The following SULF2 variants were observed in gnomAD, a reference collection of about 807,000 sequenced individuals.
SULF2 encodes sulfatase 2.
In SULF2, 52 loss-of-function variants were observed where a neutral mutation model predicts 107.7. The ratio of observed to expected loss-of-function variants is 0.48; its 90% CI spans 0.39 to 0.61. The LOEUF is 0.61. Among genes scored for constraint, SULF2 ranks in the 20% least tolerant of loss-of-function variants. The pLI, the probability that SULF2 is intolerant of heterozygous loss-of-function variation, is 0.00. For synonymous variants in SULF2, 460 were observed against 464.3 expected (o/e 0.99, Z 0.12); for missense variants, 993 against 1,177.3 (o/e 0.84, Z 2.29).
At chr20:47,700,518 A>G (rs1182052540) in intron 4 of SULF2, among the ~76,000 whole-genome samples, 1 of 152,228 alleles carries the variant, frequency 6.6e-6, no homozygotes, top group African/African-American at 2.4e-5. Flanking sequence ...TGGTAAAACC[A>G]TAATGAAACA....
In SULF2 at chr20:47,672,297, C is replaced by G; in HGVS notation, c.1477G>C (p.Val493Leu). ...LGGSRALSNL[V>L]PKYYGQGSEA... ...CTGCCCTGCCCGTAGTACTTGGGCA[C>G]GAGGTTGGAGAGGGCTCTGCTGCCG... is the stretch of plus-strand genomic sequence containing the variant. Residue 493 changes from valine (V) to leucine (L), a missense_variant, in exon 11 of 21, where the codon GTG (valine) becomes CTG (leucine). Around this residue, in one of 3 missense-constraint regions of SULF2, gnomAD observed 497 missense variants for 544.1 expected, o/e 0.91. Coordinates refer to ENST00000688720, the MANE Select transcript of SULF2 (RefSeq NM_001387048.1). 1 of 1,613,462 alleles carries G rather than the reference C, an allele frequency of 6.2e-7. No individual in the cohort carries two copies. The highest frequency in any genetic ancestry group is 8.5e-7 in the Non-Finnish European group (1 of 1,179,990).
Position 47,733,859 on chromosome 20 carries a change from C to T in SULF2, c.415+2844G>A, listed in dbSNP as rs557204986. ...TCAAGATCAAATACCTTACTAAATA[C>T]ATTAAAAGCACTATTTATTATGAAA... On this transcript the variant is annotated intron_variant, in intron 3 of 20. Coordinates refer to ENST00000688720, the MANE Select transcript of SULF2 (RefSeq NM_001387048.1). 2.6e-5 allele frequency among the ~76,000 whole-genome samples: 4 copies of T among 152,322 alleles called. No homozygotes were observed. The South Asian group carries it at 6.2e-4, about 24-fold the overall frequency.
At chr20:47,705,468 G>C (rs982061090) in intron 3 of SULF2, among the ~76,000 whole-genome samples, 2 of 152,200 alleles carry the variant, frequency 1.3e-5, no homozygotes, top group Non-Finnish European at 2.9e-5. Context: ...AGTAACTGAT[G>C]GAGTGGAGGC....
At chr20:47,776,817 G>A (rs73317842) in intron 1 of SULF2, among the ~76,000 whole-genome samples, 4,252 of 152,278 alleles carry the variant, frequency 0.028, 209 homozygotes, top group African/African-American at 0.097. Flanking sequence ...GGGAGCAAGT[G>A]AGTGTGTATG....
rs779062223 is a variant in SULF2 at position 47,745,398 on chromosome 20, A to T, written c.176-8456T>A. Among the ~76,000 whole-genome samples, 74 of 29,384 alleles carry T rather than the reference A, an allele frequency of 2.5e-3. 4 individuals carry two copies. The highest frequency in any genetic ancestry group is 0.012 in the African/African-American group (69 of 5,998). The allele number at this position is 29,384 out of a possible 152,430, so 19.3% of individuals were successfully genotyped here. A position where few individuals can be genotyped will look rare whatever the true frequency, so the allele number is the denominator to read the frequency against. ...GTTTTGAGGGAAAAAAAAAAAAAAA[A>T]AAAAAAAAAAAAATATATATATATA... On this transcript the variant is annotated intron_variant, in intron 2 of 20. Transcript: ENST00000688720.
intron 5 of SULF2, 35 bp downstream of exon 5, chr20:47,690,091 G>A: frequency 7.2e-7 from 1 of 1,381,722 alleles, no homozygotes; most frequent in Non-Finnish European, 9.5e-7. Flanking sequence ...TTCATGCTAA[G>A]CAGTGCCTCT....
At chr20:47,752,921 C>T (rs1215691308) in intron 2 of SULF2, among the ~76,000 whole-genome samples, 3 of 151,744 alleles carry the variant, frequency 2.0e-5, no homozygotes, top group East Asian at 1.9e-4. Context: ...GCCAACATGG[C>T]GAAACCCTGA....
Position 47,663,568 on chromosome 20 carries a change from C to T in SULF2, c.2112G>A (p.Lys704=). The stretch of plus-strand genomic sequence containing the variant: ...GCTTGAGCAGCTTGCGGAGTTTCTT[C>T]TTGCGCTTCTGCTCCCGCAACAGCC... ...KVWLLREQKR[K]KKLRKLLKRL... Residue 704 remains lysine (K), a synonymous_variant, in exon 16 of 21, where the codon AAG becomes AAA. Coordinates refer to ENST00000688720, the MANE Select transcript of SULF2 (RefSeq NM_001387048.1). 6.2e-7 allele frequency: 1 copy of T among 1,611,276 alleles called. No homozygotes were observed. The highest frequency in any genetic ancestry group is 1.1e-5 in the South Asian group (1 of 90,968).
In SULF2 at chr20:47,695,904, C is replaced by T. The variant is rs142520038; in HGVS notation, c.568-5609G>A. On this transcript the variant is annotated intron_variant, in intron 4 of 20. Coordinates refer to ENST00000688720, the MANE Select transcript of SULF2 (RefSeq NM_001387048.1). Reference sequence around the variant, plus strand: ...CTGGGATTACAGGCATGAACCACTGCGCCTGGCCGGATTTCCTTTTTAAAG... The same window carrying T: ...CTGGGATTACAGGCATGAACCACTGTGCCTGGCCGGATTTCCTTTTTAAAG... Among the ~76,000 whole-genome samples, 669 of 152,338 alleles carry T rather than the reference C, an allele frequency of 4.4e-3. 3 individuals are homozygous for T. Among genetic ancestry groups the T allele is most frequent in the African/African-American group, 0.015 (635 of 41,582 alleles).
intron 1 of SULF2, among the ~76,000 whole-genome samples, chr20:47,768,014 T>C (rs2090558811): frequency 6.6e-6 from 1 of 152,168 alleles, no homozygotes; most frequent in African/African-American, 2.4e-5. Flanking sequence ...CGTGGGATCC[T>C]AGACCTGGGC....
chr20:47,690,152 G>T lies in SULF2; in HGVS notation c.711C>A (p.Arg237=), dbSNP rs751004030. The change falls in exon 5 of 21, where the codon CGC becomes CGA. Residue 237 remains arginine (R), a synonymous_variant. Coordinates refer to ENST00000688720, the MANE Select transcript of SULF2 (RefSeq NM_001387048.1). ...GPEDSAPQYS[R]LFPNASQHIT... is the part of the protein sequence containing the mutation. Reference sequence around the variant, plus strand: ...TGTGCTGAGATGCGTTTGGGAAGAGGCGTGAATATTGTGGGGCTGAATCCT... The same window carrying T: ...TGTGCTGAGATGCGTTTGGGAAGAGTCGTGAATATTGTGGGGCTGAATCCT... 11 of 1,533,586 alleles carry T rather than the reference G, an allele frequency of 7.2e-6. No homozygotes were observed. Among genetic ancestry groups the T allele is most frequent in the Non-Finnish European group, 6.2e-6 (7 of 1,135,508 alleles). The allele number at this position is 1,533,586 out of a possible 1,614,324, so 95.0% of individuals were successfully genotyped here. A position where few individuals can be genotyped will look rare whatever the true frequency, so the allele number is the denominator to read the frequency against.
intron 1 of SULF2, among the ~76,000 whole-genome samples, chr20:47,777,075 AGCTT>A (rs1335395982): frequency 6.6e-6 from 1 of 152,240 alleles, no homozygotes; most frequent in African/African-American, 2.4e-5. Flanking sequence ...ACAAGCACAG[AGCTT>A]GCTTTTTAGT....
chr20:47,736,042 G>C (rs1301457233), intron 3 of SULF2, among the ~76,000 whole-genome samples: 2 of 152,198 alleles, frequency 1.3e-5, no homozygotes, highest in Admixed American at 1.3e-4. Flanking sequence ...ATTGAGTCTG[G>C]AGGGTTTTGC....
intron 3 of SULF2, among the ~76,000 whole-genome samples, chr20:47,721,582 C>A (rs765841804): frequency 6.6e-6 from 1 of 152,154 alleles, no homozygotes; most frequent in African/African-American, 2.4e-5. Flanking sequence ...GTTGGTCAGG[C>A]TGGTCTCGAA....
At chr20:47,723,416 G>A (rs1008391575) in intron 3 of SULF2, among the ~76,000 whole-genome samples, 3 of 152,264 alleles carry the variant, frequency 2.0e-5, no homozygotes, top group African/African-American at 2.4e-5. Context: ...GAAGTTCTCC[G>A]CAGTGTGTGA....
chr20:47,662,645 A>G (rs2087114678), intron 17 of SULF2, among the ~76,000 whole-genome samples: 2 of 152,090 alleles, frequency 1.3e-5, no homozygotes, highest in Admixed American at 1.3e-4. Flanking sequence ...GTGTGTTTAG[A>G]TGGCTTACTG....
At chr20:47,730,975 T>C (rs1051738688) in intron 3 of SULF2, among the ~76,000 whole-genome samples, 22 of 152,180 alleles carry the variant, frequency 1.4e-4, no homozygotes, top group Non-Finnish European at 1.9e-4. Flanking sequence ...GCTCAGGGGC[T>C]GGCATGTGAC....
intron 7 of SULF2, among the ~76,000 whole-genome samples, chr20:47,681,130 A>C (rs906086591): frequency 6.6e-6 from 1 of 152,176 alleles, no homozygotes; most frequent in Non-Finnish European, 1.5e-5. Context: ...CTGAGAATGA[A>C]GCCAATTCGG....
At chr20:47,758,164 T>C (rs2090338435) in intron 1 of SULF2, among the ~76,000 whole-genome samples, 1 of 117,184 alleles carries the variant, frequency 8.5e-6, no homozygotes, top group Non-Finnish European at 1.7e-5. Flanking sequence ...AAGTATTCCT[T>C]TTTTTTTTTT....
Sources: gnomAD v4.1 joint callset for allele counts (sites outside exome capture counted in the v4.1 genomes callset) on GRCh38, gnomAD v4.1.1 for gene constraint, gnomAD v4.1.1 regional missense constraint, MANE v1.5 for transcripts, NCBI Gene and HGNC (gene_info 2026-07-23, HGNC 2026-07-21) for gene names.